The following SPSB1 variants were observed in gnomAD, a reference collection of about 807,000 sequenced individuals.
The protein encoded by SPSB1 is SPRY domain-containing SOCS box protein 1.
In SPSB1, 8 loss-of-function variants were observed where a neutral mutation model predicts 21.2. The ratio of observed to expected loss-of-function variants is 0.38; its 90% CI spans 0.22 to 0.68. The LOEUF (loss-of-function observed/expected upper bound fraction) is 0.68. SPSB1 is among the 30% of genes least tolerant of loss of function. SPSB1 has a pLI of 0.53. For missense variants in SPSB1, 242 were observed against 377.8 expected (o/e 0.64, Z 2.98); for synonymous variants, 169 against 161.7 (o/e 1.05, Z -0.34).
intron 1 of SPSB1, among the ~76,000 whole-genome samples, chr1:9,328,980 A>G (rs1453355111): frequency 6.6e-6 from 1 of 152,028 alleles, no homozygotes; most frequent in Non-Finnish European, 1.5e-5. Flanking sequence ...TAGTAAAATC[A>G]CCCAGGTTGA....
chr1:9,307,116 T>G (rs993688467), intron 1 of SPSB1, among the ~76,000 whole-genome samples: 2 of 151,922 alleles, frequency 1.3e-5, no homozygotes, highest in East Asian at 1.9e-4. Flanking sequence ...TTAGTAGAGA[T>G]GGGGTTTCAC....
At chr1:9,297,775 G>A (rs1211204107) in intron 1 of SPSB1, among the ~76,000 whole-genome samples, 1 of 152,092 alleles carries the variant, frequency 6.6e-6, no homozygotes, top group African/African-American at 2.4e-5. Context: ...ATAGGCTTAG[G>A]TTTCATGTAG....
At chr1:9,337,967 G>A (rs892827953) in intron 1 of SPSB1, among the ~76,000 whole-genome samples, 3 of 152,208 alleles carry the variant, frequency 2.0e-5, no homozygotes, top group African/African-American at 4.8e-5. Context: ...TGCTGCCAAC[G>A]CTCTGGCCAA....
At chr1:9,298,036 G>A (rs1639254323) in intron 1 of SPSB1, among the ~76,000 whole-genome samples, 1 of 152,200 alleles carries the variant, frequency 6.6e-6, no homozygotes, top group African/African-American at 2.4e-5. Context: ...CGGCCAAGTG[G>A]CAGTACTCAG....
intron 1 of SPSB1, among the ~76,000 whole-genome samples, chr1:9,353,645 C>T (rs1387545602): frequency 2.0e-5 from 3 of 152,054 alleles, no homozygotes; most frequent in African/African-American, 4.8e-5. Flanking sequence ...TATGGCTGGG[C>T]GCAGTGGTTC....
chr1:9,312,627 G>T (rs1639542023), intron 1 of SPSB1, among the ~76,000 whole-genome samples: 2 of 152,266 alleles, frequency 1.3e-5, no homozygotes, highest in South Asian at 4.1e-4. Flanking sequence ...ACAGTCAGGT[G>T]CCAGCACGGA....
chr1:9,312,321 C>G (rs370994931), intron 1 of SPSB1, among the ~76,000 whole-genome samples: 85 of 152,068 alleles, frequency 5.6e-4, no homozygotes, highest in African/African-American at 2.0e-3. Flanking sequence ...GCCATTGTGT[C>G]CGGTCTGTCT....
chr1:9,340,006 C>A (rs1640064470), intron 1 of SPSB1, among the ~76,000 whole-genome samples: 2 of 152,104 alleles, frequency 1.3e-5, no homozygotes, highest in South Asian at 4.1e-4. Flanking sequence ...CAGCCCTGAA[C>A]CACCTGGGCA....
rs57871457 is a variant in SPSB1 at position 9,361,156 on chromosome 1, CTTTT to C, written c.694+4595_694+4598del. Among the ~76,000 whole-genome samples, 495 of 102,546 alleles carry C rather than the reference CTTTT, an allele frequency of 4.8e-3. 37 individuals carry two copies. The highest frequency in any genetic ancestry group is 0.013 in the African/African-American group (315 of 24,204). 67.3% of individuals were successfully genotyped at this position (102,546 alleles called of 152,430 possible). ...CAGGCATGGCTGGATCTGTCATTTTCTTTTTTTTTTTTTTTTTTTTTTTTTTTAG... is the reference window on the plus strand; with the variant it reads ...CAGGCATGGCTGGATCTGTCATTTTCTTTTTTTTTTTTTTTTTTTTTTTAG... On this transcript the variant is annotated intron_variant, in intron 2 of 2. Transcript: ENST00000328089.
At chr1:9,327,104 A>T (rs2100489112) in intron 1 of SPSB1, among the ~76,000 whole-genome samples, 1 of 152,268 alleles carries the variant, frequency 6.6e-6, no homozygotes, top group East Asian at 1.9e-4. Flanking sequence ...TTCGTGGGGA[A>T]GAGACTAGCA....
rs1639143785 is a variant in SPSB1 at position 9,292,958 on chromosome 1, CCGGGG to C, written c.-261_-257del. On this transcript the variant is annotated 5_prime_UTR_variant, in exon 1 of 3. Transcript: ENST00000328089. ...AGGAACCAGGCTCCAGGCGCCGGCG[CCGGGG>C]CCGGGGCCGCGGGGAGGAGGCGACT... The C allele has an allele frequency of 5.5e-4, 1 of 1,830 alleles. No individual in the cohort carries two copies. Among genetic ancestry groups the C allele is most frequent in the African/African-American group, 0.019 (1 of 54 alleles). 0.1% of individuals were successfully genotyped at this position (1,830 alleles called of 1,614,324 possible).
At chr1:9,358,840 C>T (rs1027366886) in intron 2 of SPSB1, among the ~76,000 whole-genome samples, 1 of 152,142 alleles carries the variant, frequency 6.6e-6, no homozygotes, top group African/African-American at 2.4e-5. Flanking sequence ...GTACACAGAC[C>T]CCTGGAGTGG....
chr1:9,330,906 T>C (rs11586656), intron 1 of SPSB1, among the ~76,000 whole-genome samples: 73,199 of 151,396 alleles, frequency 0.48, 18,707 homozygotes, highest in Middle Eastern at 0.6. Context: ...TTTCTCCACA[T>C]CCTTGCCAAC....
intron 1 of SPSB1, among the ~76,000 whole-genome samples, chr1:9,319,021 CA>C (rs1472067334): frequency 6.6e-6 from 1 of 151,650 alleles, no homozygotes; most frequent in East Asian, 1.9e-4. Context: ...ACTAAAAATA[CA>C]AAAAAATTAG....
chr1:9,310,605 G>A (rs1237039110), intron 1 of SPSB1, among the ~76,000 whole-genome samples: 2 of 152,120 alleles, frequency 1.3e-5, no homozygotes, highest in Non-Finnish European at 2.9e-5. Flanking sequence ...TGAGGCAGGA[G>A]GATCACTTGA....
rs1639737016 is a variant in SPSB1, at chr1:9,322,494, CA to C, written c.-150+29424del. On this transcript the variant is annotated intron_variant, in intron 1 of 2. Transcript: ENST00000328089. ...ATCTGTCACCTACTGGGCCCTTGGC[CA>C]GAGGCATTTAAAGCCCTAATCTGAT... is the stretch of plus-strand genomic sequence containing the variant. Among the ~76,000 whole-genome samples, 11 of 152,282 alleles carry C rather than the reference CA, an allele frequency of 7.2e-5. No homozygotes were observed. In the South Asian group the frequency reaches 2.3e-3, roughly 32 times the overall value.
At position 9,357,118 on chromosome 1, in the gene SPSB1, TGGATGGATGGATGAGTGGATG is replaced by T. The variant is rs1278819355; in HGVS notation, c.694+535_694+555del. On this transcript the variant is annotated intron_variant, in intron 2 of 2. Transcript: ENST00000328089. Reference sequence around the variant, plus strand: ...ATGGATGGATGGATGGATGAGTGGATGGATGGATGGATGAGTGGATGGATGGATGGGTGGATGGATGGGTGG... The same window carrying T: ...ATGGATGGATGGATGGATGAGTGGATGATGGATGGGTGGATGGATGGGTGG... Among the ~76,000 whole-genome samples, 5 of 88,954 alleles carry T rather than the reference TGGATGGATGGATGAGTGGATG, an allele frequency of 5.6e-5. No homozygotes were observed. The East Asian group carries it at 2.5e-3, about 45-fold the overall frequency. 58.4% of individuals were successfully genotyped at this position (88,954 alleles called of 152,430 possible).
At position 9,367,848 on chromosome 1, in the gene SPSB1, A is replaced by C; in HGVS notation, c.*273A>C. The C allele has an allele frequency of 1.8e-5, 8 of 447,912 alleles. No homozygotes were observed. The highest frequency in any genetic ancestry group is 5.6e-5 in the South Asian group (2 of 35,696). 27.7% of individuals were successfully genotyped at this position (447,912 alleles called of 1,614,324 possible). On this transcript the variant is annotated 3_prime_UTR_variant, in exon 3 of 3. Transcript: ENST00000328089. The surrounding 1 kb of genome is among the most constrained non-coding windows in gnomAD (Gnocchi z 5.9). ...CTTTGAAAAAAGACACAGAGAATAA[A>C]CTCCTACGAAAGCCCTACATTGAGC...
chr1:9,360,922 G>T (rs950775697), intron 2 of SPSB1, among the ~76,000 whole-genome samples: 3 of 152,152 alleles, frequency 2.0e-5, no homozygotes, highest in Non-Finnish European at 4.4e-5. Flanking sequence ...TGCCACCTGT[G>T]GGGGGTGAAA....
Sources: gnomAD v4.1 joint callset for allele counts (sites outside exome capture counted in the v4.1 genomes callset) on GRCh38, gnomAD v4.1.1 for gene constraint, Gnocchi (gnomAD v3.1) non-coding constraint, MANE v1.5 for transcripts, NCBI Gene and HGNC (gene_info 2026-07-23, HGNC 2026-07-21) for gene names.